SCN3A: variants seen among roughly 807,000 people sequenced by gnomAD.
SCN3A encodes the protein sodium channel protein type 3 subunit alpha.
Under a neutral mutation model 187.6 loss-of-function variants are expected in SCN3A, and 60 were observed. That is an observed-to-expected ratio of 0.32 (90% CI 0.26 to 0.40). The LOEUF is 0.40. Among genes scored for constraint, SCN3A ranks in the 10% least tolerant of loss-of-function variants. The pLI is 1.00. For missense variants in SCN3A, 1,601 were observed against 2,428.2 expected (o/e 0.66, Z 7.16); for synonymous variants, 788 against 829.2 (o/e 0.95, Z 0.85).
chr2:165,169,222 T>C (rs1194634811), intron 4 of SCN3A, among the ~76,000 whole-genome samples: 1 of 151,920 alleles, frequency 6.6e-6, no homozygotes, highest in African/African-American at 2.4e-5. Flanking sequence ...ACGAATGCAA[T>C]GTAAAAAGTG....
At position 165,113,864 on chromosome 2, in the gene SCN3A, C is replaced by G. The variant is rs765952963; in HGVS notation, c.3621G>C (p.Trp1207Cys). ...TCATGAACACAATGAAAGTCTCAAACCAGTTGTGCTCAACAATACTGTAGC... is the reference window on the plus strand; with the variant it reads ...TCATGAACACAATGAAAGTCTCAAAGCAGTTGTGCTCAACAATACTGTAGC... The part of the protein sequence containing the change: ...KTCYSIVEHN[W>C]FETFIVFMIL... The change falls in exon 20 of 28, where the codon TGG becomes TGC. Residue 1207 changes from tryptophan to cysteine, a missense_variant. Transcript: ENST00000283254. 2 of 1,613,876 alleles carry G rather than the reference C, an allele frequency of 1.2e-6. No individual in the cohort carries two copies. Among genetic ancestry groups the G allele is most frequent in the Non-Finnish European group, 8.5e-7 (1 of 1,179,910 alleles).
At chr2:165,105,589 G>C (rs1685811104) in intron 21 of SCN3A, among the ~76,000 whole-genome samples, 1 of 152,124 alleles carries the variant, frequency 6.6e-6, no homozygotes, top group African/African-American at 2.4e-5. Context: ...TGGGAGGTTG[G>C]GGATATTTGT....
In SCN3A at chr2:165,131,300, T is replaced by A; in HGVS notation, c.2509A>T (p.Met837Leu). ...TCCACATTTGACAGACCAAGCTCCA[T>A]TAAACTGAGGCTGACAATAATTCCA... The part of the protein sequence containing the change: ...FDGIIVSLSL[M>L]ELGLSNVEGL... The change falls in exon 16 of 28, where the codon ATG (methionine) becomes TTG (leucine). Residue 837 changes from methionine (M) to leucine (L), a missense_variant. Transcript: ENST00000283254. 2 of 1,608,500 alleles carry A rather than the reference T, an allele frequency of 1.2e-6. No homozygotes were observed. The highest frequency in any genetic ancestry group is 1.7e-6 in the Non-Finnish European group (2 of 1,176,614).
At chr2:165,146,697 A>G in intron 12 of SCN3A, 42 bp downstream of exon 12, 1 of 1,610,004 alleles carries the variant, frequency 6.2e-7, no homozygotes, top group Admixed American at 1.7e-5. Flanking sequence ...AAAAAGCAAT[A>G]GCAATGACAA....
In SCN3A at chr2:165,143,333, G is replaced by A. The variant is rs115152668; in HGVS notation, c.1672-2335C>T. Reference sequence around the variant, plus strand: ...AAACTGTCTCTGGAAACTGAAAATCGGTCTACACAGTATTGGTTGGGAGTA... The same window carrying A: ...AAACTGTCTCTGGAAACTGAAAATCAGTCTACACAGTATTGGTTGGGAGTA... On this transcript the variant is annotated intron_variant, in intron 12 of 27. Coordinates refer to ENST00000283254, the MANE Select transcript of SCN3A (RefSeq NM_006922.4). Among the ~76,000 whole-genome samples, 450 of 152,158 alleles carry A rather than the reference G, an allele frequency of 3.0e-3. 3 individuals carry two copies. The highest frequency in any genetic ancestry group is 0.01 in the African/African-American group (428 of 41,522).
intron 21 of SCN3A, among the ~76,000 whole-genome samples, chr2:165,112,187 C>G (rs1686152158): frequency 6.6e-6 from 1 of 152,126 alleles, no homozygotes; most frequent in South Asian, 2.1e-4. Context: ...TCATGTTGTC[C>G]CAGTGCCTCT....
Position 165,112,752 on chromosome 2 carries a change from A to G in SCN3A, c.3843+133T>C, listed in dbSNP as rs943032579. On this transcript the variant is annotated intron_variant, in intron 21 of 27. Coordinates refer to ENST00000283254, the MANE Select transcript of SCN3A (RefSeq NM_006922.4). ...CCCATGAGATATTCCTCATTGTTGC[A>G]TATGTTACAGTTTTGTTTAAATAAC... 3 of 767,726 alleles carry G rather than the reference A, an allele frequency of 3.9e-6. No homozygotes were observed. The African/African-American group carries it at 5.3e-5, about 13-fold the overall frequency. 47.6% of individuals were successfully genotyped at this position (767,726 alleles called of 1,614,324 possible).
intron 21 of SCN3A, among the ~76,000 whole-genome samples, chr2:165,108,612 A>G (rs1338639899): frequency 6.6e-6 from 1 of 152,144 alleles, no homozygotes; most frequent in Non-Finnish European, 1.5e-5. Context: ...GCTCAGATGC[A>G]TTTTCTCAGA....
Position 165,091,170 on chromosome 2 carries a change from C to A in SCN3A, c.4983G>T (p.Leu1661=). 1 of 1,614,102 alleles carries A rather than the reference C, an allele frequency of 6.2e-7. No individual in the cohort carries two copies. The highest frequency in any genetic ancestry group is 1.3e-5 in the African/African-American group (1 of 75,010). Residue 1661 remains leucine, a synonymous_variant, in exon 28 of 28, where the codon CTG becomes CTT. Transcript: ENST00000283254. ...SLPALFNIGL[L]LFLVMFIYAI... ...CATAGATAAACATGACCAGGAAGAGCAGGAGGCCGATGTTAAACAACGCAG... is the reference window on the plus strand; with the variant it reads ...CATAGATAAACATGACCAGGAAGAGAAGGAGGCCGATGTTAAACAACGCAG...
intron 21 of SCN3A, among the ~76,000 whole-genome samples, chr2:165,105,522 G>A (rs1405884914): frequency 2.0e-5 from 3 of 152,176 alleles, no homozygotes. Context: ...CTCAGGTAGT[G>A]GTGAGGGGCA....
In SCN3A at chr2:165,128,012, C is replaced by A. The variant is rs1687097459; in HGVS notation, c.3012G>T (p.Leu1004=). The change falls in exon 18 of 28, where the codon CTG becomes CTT. Residue 1004 remains leucine (L), a synonymous_variant. Coordinates refer to ENST00000283254, the MANE Select transcript of SCN3A (RefSeq NM_006922.4). ...ATDDDNEMNN[L]QIAVGRMQKG... ...TTTGCATTCTTCCTACTGCAATCTG[C>A]AGATTATTCATTTCATTGTCATCAT... 1 of 1,613,880 alleles carries A rather than the reference C, an allele frequency of 6.2e-7. No individual in the cohort carries two copies. Among genetic ancestry groups the A allele is most frequent in the Non-Finnish European group, 8.5e-7 (1 of 1,179,968 alleles).
chr2:165,124,993 T>G, intron 18 of SCN3A, among the ~76,000 whole-genome samples: 1 of 152,192 alleles, frequency 6.6e-6, no homozygotes, highest in East Asian at 1.9e-4. Context: ...TCCAAACTCT[T>G]TGGCTTACTT....
chr2:165,117,905 G>T (rs1435550129), intron 18 of SCN3A, among the ~76,000 whole-genome samples: 1 of 152,212 alleles, frequency 6.6e-6, no homozygotes, highest in East Asian at 1.9e-4. Flanking sequence ...ATATAATTGT[G>T]AGATGTTTAA....
rs150421779 is a variant in SCN3A at position 165,127,897 on chromosome 2, T to C, written c.3127A>G (p.Asn1043Asp). 22 of 1,614,112 alleles carry C rather than the reference T, an allele frequency of 1.4e-5. No homozygotes were observed. Among genetic ancestry groups the C allele is most frequent in the Non-Finnish European group, 1.8e-5 (21 of 1,180,048 alleles). The stretch of plus-strand genomic sequence containing the variant: ...TTGGACATGCAGCTGTCTATCTTAT[T>C]GCCTTCATGGATTTCTATAACTTTT... The part of the protein sequence containing the change: ...KPKVIEIHEG[N>D]KIDSCMSNNT... Residue 1043 changes from asparagine to aspartate, a missense_variant, in exon 18 of 28, where the codon AAT becomes GAT. Coordinates refer to ENST00000283254, the MANE Select transcript of SCN3A (RefSeq NM_006922.4).
In SCN3A at chr2:165,146,873, C is replaced by G. The variant is rs1294589112; in HGVS notation, c.1537G>C (p.Glu513Gln). 6.2e-7 allele frequency: 1 copy of G among 1,614,028 alleles called. No individual in the cohort carries two copies. Residue 513 changes from glutamate (E) to glutamine (Q), a missense_variant, in exon 12 of 28, where the codon GAA becomes CAA. By Grantham distance (29) the Glu-to-Gln change is conservative. Transcript: ENST00000283254. ...TCTCTCTCTCCTTTGTTGTTTCCTT[C>G]AAGGTGCTCTCTCTGTCTTCTTTTC... Reference protein sequence around the residue: ...RKKRRQREHLEGNNKGERDSF... With the variant: ...RKKRRQREHLQGNNKGERDSF...
At chr2:165,100,788 C>T (rs1350269960) in intron 21 of SCN3A, among the ~76,000 whole-genome samples, 2 of 152,120 alleles carry the variant, frequency 1.3e-5, no homozygotes, top group Non-Finnish European at 2.9e-5. Flanking sequence ...AATAATGTTT[C>T]TCTCTTGAGT....
At chr2:165,182,827 A>AT (rs1217485501) in intron 2 of SCN3A, among the ~76,000 whole-genome samples, 4 of 152,016 alleles carry the variant, frequency 2.6e-5, no homozygotes, top group African/African-American at 7.2e-5. Flanking sequence ...AAGTTACTGG[A>AT]TGAGTCTGGG....
At chr2:165,118,737 C>T (rs1294608743) in intron 18 of SCN3A, among the ~76,000 whole-genome samples, 1 of 152,048 alleles carries the variant, frequency 6.6e-6, no homozygotes, top group Non-Finnish European at 1.5e-5. Context: ...TAGGTGCATG[C>T]CACCGTGCCT....
intron 19 of SCN3A, 135 bp downstream of exon 19, chr2:165,115,320 G>A: frequency 9.8e-7 from 1 of 1,016,300 alleles, no homozygotes; most frequent in Non-Finnish European, 1.5e-6. Context: ...TCCTACCGTA[G>A]CCTCCCAAAA....
Sources: gnomAD v4.1 joint callset for allele counts (sites outside exome capture counted in the v4.1 genomes callset) on GRCh38, gnomAD v4.1.1 for gene constraint, MANE v1.5 for transcripts, NCBI Gene and HGNC (gene_info 2026-07-23, HGNC 2026-07-21) for gene names.